Variants in KIDINS220 observed in about 807,000 individuals in gnomAD.
The protein encoded by KIDINS220 is kinase D interacting substrate 220.
A neutral mutation model predicts 157.6 loss-of-function variants in KIDINS220; 63 were observed. The observed-to-expected ratio is 0.40, with a 90% confidence interval of 0.33 to 0.49. KIDINS220 has a LOEUF of 0.49. Ranked by LOEUF, KIDINS220 falls within the 20% of genes least tolerant of loss-of-function variation. KIDINS220 has a pLI of 0.66. For synonymous variants in KIDINS220, 732 were observed against 783.6 expected, an observed-to-expected ratio of 0.93 and a Z score of 1.10; for missense variants, 1,772 against 2,171.2, an observed-to-expected ratio of 0.82 and a Z score of 3.65.
rs1317889747 is a variant in KIDINS220, at chr2:8,729,335, C to T, written c.*1385G>A. 6.1e-6 allele frequency: 6 copies of T among 985,358 alleles called. No homozygotes were observed. The highest frequency in any genetic ancestry group is 3.6e-6 in the Non-Finnish European group (3 of 829,942). The allele number at this position is 985,358 out of a possible 1,614,324, so 61.0% of individuals were successfully genotyped here. A position where few individuals can be genotyped will look rare whatever the true frequency, so the allele number is the denominator to read the frequency against. ...TAATAAAAACCCACTGAGTGATAAA[C>T]ATCGAAAATGTAACACTGAATCTAG... On this transcript the variant is annotated 3_prime_UTR_variant, in exon 30 of 30. Transcript: ENST00000256707.
At position 8,817,603 on chromosome 2, in the gene KIDINS220, TA is replaced by T; in HGVS notation, c.306+14del. 6 of 1,464,184 alleles carry T rather than the reference TA, an allele frequency of 4.1e-6. No individual in the cohort carries two copies. The highest frequency in any genetic ancestry group is 5.6e-6 in the Non-Finnish European group (6 of 1,065,516). 90.7% of individuals were successfully genotyped at this position (1,464,184 alleles called of 1,614,324 possible). ...AAGATTTCAGCTAATTAAGAACATA[TA>T]AAAATGTCCATACCATATCACGGTG... On this transcript the variant is annotated intron_variant, in intron 4 of 29. Coordinates refer to ENST00000256707, the MANE Select transcript of KIDINS220 (RefSeq NM_020738.4).
chr2:8,788,879 A>T, intron 14 of KIDINS220, 67 bp from the exon 15 acceptor site: 3 of 1,372,590 alleles, frequency 2.2e-6, no homozygotes, highest in Non-Finnish European at 3.0e-6. Context: ...TTCTCCAAAG[A>T]TCAAGTATCA....
Position 8,812,374 on chromosome 2 carries a change from GA to G in KIDINS220, c.504+20del. The G allele has an allele frequency of 2.8e-6, 4 of 1,449,734 alleles. No homozygotes were observed. The highest frequency in any genetic ancestry group is 1.8e-5 in the Admixed American group (1 of 54,124). The allele number at this position is 1,449,734 out of a possible 1,614,324, so 89.8% of individuals were successfully genotyped here. A position where few individuals can be genotyped will look rare whatever the true frequency, so the allele number is the denominator to read the frequency against. The stretch of plus-strand genomic sequence containing the variant: ...GTGGACATAACATGGACTGGAACCT[GA>G]AAAGATGCTGCTGACCTACCTTATC... On this transcript the variant is annotated intron_variant, in intron 6 of 29. Coordinates refer to ENST00000256707, the MANE Select transcript of KIDINS220 (RefSeq NM_020738.4).
rs369028313 is a variant in KIDINS220 at position 8,778,917 on chromosome 2, C to A, written c.2593G>T (p.Val865Phe). The stretch of plus-strand genomic sequence containing the variant: ...TTACCTGTAGTATCTGAGCATGGAA[C>A]GTCTCCATTTGTTGCTGAAGTTACG... The part of the protein sequence containing the change: ...FLVTSATNGD[V>F]PCSDTTGIQE... The change falls in exon 19 of 30, where the codon GTT becomes TTT. Residue 865 changes from valine to phenylalanine, a missense_variant. By Grantham distance (50) the Val-to-Phe change is conservative (BLOSUM62 -1). Around this residue, in one of 3 missense-constraint regions of KIDINS220, gnomAD observed 725 missense variants for 1,017.1 expected, o/e 0.71. Transcript: ENST00000256707. The A allele has an allele frequency of 1.2e-6, 2 of 1,614,148 alleles. No homozygotes were observed. The highest frequency in any genetic ancestry group is 1.7e-6 in the Non-Finnish European group (2 of 1,179,996).
chr2:8,800,030 A>T (rs771691200), intron 9 of KIDINS220, among the ~76,000 whole-genome samples: 1 of 152,230 alleles, frequency 6.6e-6, no homozygotes. Flanking sequence ...ATGGAGGAAG[A>T]AGACAAAACA....
rs1436059435 is a variant in KIDINS220 at position 8,730,187 on chromosome 2, T to G, written c.*533A>C. 2.0e-6 allele frequency: 2 copies of G among 986,348 alleles called. No individual in the cohort carries two copies. The highest frequency in any genetic ancestry group is 2.4e-6 in the Non-Finnish European group (2 of 830,774). The allele number at this position is 986,348 out of a possible 1,614,324, so 61.1% of individuals were successfully genotyped here. A position where few individuals can be genotyped will look rare whatever the true frequency, so the allele number is the denominator to read the frequency against. On this transcript the variant is annotated 3_prime_UTR_variant, in exon 30 of 30. Coordinates refer to ENST00000256707, the MANE Select transcript of KIDINS220 (RefSeq NM_020738.4). ...TACTTCCTACTCTTCAGAACCTCTG[T>G]GATAAGCAATACCCCTGCCATACAG...
At chr2:8,727,258 C>T (rs1663413350), downstream of KIDINS220, 2 of 1,069,352 alleles carry the variant, frequency 1.9e-6, no homozygotes, top group Middle Eastern at 4.5e-4. Context: ...CGCCCAGTGT[C>T]GGCGTGCGCC....
chr2:8,730,604 A>G lies in KIDINS220; in HGVS notation c.*116T>C. The G allele has an allele frequency of 6.9e-7, 1 of 1,452,142 alleles. No homozygotes were observed. The highest frequency in any genetic ancestry group is 9.0e-7 in the Non-Finnish European group (1 of 1,108,916). The allele number at this position is 1,452,142 out of a possible 1,614,324, so 90.0% of individuals were successfully genotyped here. On this transcript the variant is annotated 3_prime_UTR_variant, in exon 30 of 30. Transcript: ENST00000256707. ...ATGTCTCTTTTACCTCGGCCTCATC[A>G]TCGGTTAGTTATCTGTCAGCAAAAT...
rs767546135 is a variant in KIDINS220 at position 8,750,168 on chromosome 2, G to T, written c.3358C>A (p.Pro1120Thr). Residue 1120 changes from proline (P) to threonine (T), a missense_variant, in exon 24 of 30, where the codon CCT (proline) becomes ACT (threonine). This residue lies in a region of KIDINS220 where 793 missense variants were observed against 885.5 expected (regional missense o/e 0.90). Transcript: ENST00000256707. ...PFAGGVVSPQ[P>T]HSSYYSGMTG... The stretch of plus-strand genomic sequence containing the variant: ...ATGCCGCTGTAATAGCTGCTGTGAG[G>T]CTGTGGTGACACCACTCCACCTGCG... 1 of 1,614,186 alleles carries T rather than the reference G, an allele frequency of 6.2e-7. No individual in the cohort carries two copies. Among genetic ancestry groups the T allele is most frequent in the South Asian group, 1.1e-5 (1 of 91,082 alleles).
intron 17 of KIDINS220, among the ~76,000 whole-genome samples, chr2:8,783,218 G>A (rs1671944864): frequency 6.8e-6 from 1 of 147,918 alleles, no homozygotes; most frequent in African/African-American, 2.5e-5. Flanking sequence ...AAAGAAACAG[G>A]CTAAAGAAGA....
chr2:8,768,364 T>C (rs1490618215), intron 22 of KIDINS220, among the ~76,000 whole-genome samples: 1 of 152,200 alleles, frequency 6.6e-6, no homozygotes, highest in Non-Finnish European at 1.5e-5. Context: ...GTGTGTCATC[T>C]TAATGTTCCC....
intron 11 of KIDINS220, among the ~76,000 whole-genome samples, chr2:8,795,011 C>T (rs1673711536): frequency 6.6e-6 from 1 of 152,186 alleles, no homozygotes; most frequent in South Asian, 2.1e-4. Flanking sequence ...CCTTAAGTAG[C>T]TTATGTCGTA....
chr2:8,757,181 T>A, intron 22 of KIDINS220: 1 of 832,490 alleles, frequency 1.2e-6, no homozygotes, highest in Non-Finnish European at 1.4e-6. Context: ...AACCATTAGT[T>A]CAAAAAATAG....
Position 8,813,241 on chromosome 2 carries a change from C to A in KIDINS220, c.401G>T (p.Gly134Val), listed in dbSNP as rs377662475. 12 of 1,610,156 alleles carry A rather than the reference C, an allele frequency of 7.5e-6. No homozygotes were observed. The highest frequency in any genetic ancestry group is 9.3e-6 in the Non-Finnish European group (11 of 1,178,310). ...LSHGANPSVTGLYSVYPIIWA... is the reference protein window; with the variant it reads ...LSHGANPSVTVLYSVYPIIWA... ...AATTTTTTTGTTAATGCTTACCAGA[C>A]CAGTGACACTTGGATTGGCACCATG... Residue 134 changes from glycine (G) to valine (V), a missense_variant, in exon 5 of 30, where the codon GGT becomes GTT. By Grantham distance (109) the Gly-to-Val change is moderately radical (BLOSUM62 -3). Coordinates refer to ENST00000256707, the MANE Select transcript of KIDINS220 (RefSeq NM_020738.4).
downstream of KIDINS220, among the ~76,000 whole-genome samples, chr2:8,726,353 G>GTC (rs1166018445): frequency 6.6e-6 from 1 of 152,230 alleles, no homozygotes; most frequent in Non-Finnish European, 1.5e-5. Context: ...TGATGCCAGT[G>GTC]TAAGCCAAGG....
chr2:8,734,091 G>A (rs183950676), intron 28 of KIDINS220, among the ~76,000 whole-genome samples: 4 of 152,114 alleles, frequency 2.6e-5, no homozygotes, highest in East Asian at 3.9e-4. Context: ...GAATAAGCAC[G>A]AATGAGTGGG....
chr2:8,820,968 C>G (rs1677868455), intron 2 of KIDINS220, among the ~76,000 whole-genome samples: 1 of 152,104 alleles, frequency 6.6e-6, no homozygotes, highest in Admixed American at 6.5e-5. Context: ...GCAACAAACT[C>G]TAAATCCACA....
intron 1 of KIDINS220, among the ~76,000 whole-genome samples, chr2:8,835,617 C>T (rs1680282493): frequency 6.8e-6 from 1 of 147,920 alleles, no homozygotes; most frequent in Admixed American, 6.8e-5. Context: ...CAAGATCACA[C>T]CACCTGCACT....
intron 18 of KIDINS220, 72 bp from the exon 19 acceptor site, chr2:8,779,211 A>G: frequency 6.5e-7 from 1 of 1,535,722 alleles, no homozygotes; most frequent in Non-Finnish European, 8.9e-7. Flanking sequence ...TCTCTTCAAA[A>G]TATGTGCTAC....
Sources: allele counts gnomAD v4.1 joint callset (sites outside exome capture counted in the v4.1 genomes callset), GRCh38; gene constraint gnomAD v4.1.1; regional missense constraint gnomAD v4.1.1; transcripts MANE v1.5; gene names NCBI Gene and HGNC (gene_info 2026-07-23, HGNC 2026-07-21).